Variants in PPDPFL observed in about 807,000 individuals in gnomAD.
PPDPFL encodes pancreatic progenitor cell differentiation and proliferation factor like.
In PPDPFL, 12 loss-of-function variants were observed where a neutral mutation model predicts 12.6. That is an observed-to-expected ratio of 0.95 (90% confidence interval 0.61 to 1.54). The LOEUF is 1.54. PPDPFL is among the 40% of genes most tolerant of loss of function. The pLI is 0.00. For missense variants in PPDPFL, 114 were observed against 96.0 expected (o/e 1.19, Z -0.78); for synonymous variants, 24 against 32.7 (o/e 0.73, Z 0.91).
Position 49,072,499 on chromosome 8 carries a change from T to C in PPDPFL, c.-45+17T>C, listed in dbSNP as rs369613729. On this transcript the variant is annotated intron_variant, in intron 1 of 4. Transcript: ENST00000522267. ...AACAAATCGGTGAGTGACTACCTCA[T>C]GGCTGAGTTAACACTTCTCTGACCT... 5.0e-5 allele frequency: 9 copies of C among 178,612 alleles called. No individual in the cohort carries two copies. In the South Asian group the frequency reaches 5.1e-4, roughly 10 times the overall value. The allele number at this position is 178,612 out of a possible 1,614,324, so 11.1% of individuals were successfully genotyped here. A position where few individuals can be genotyped will look rare whatever the true frequency, so the allele number is the denominator to read the frequency against.
At chr8:49,057,041 C>A (rs1240895582) in intron 1 of PPDPFL, among the ~76,000 whole-genome samples, 1 of 152,128 alleles carries the variant, frequency 6.6e-6, no homozygotes, top group Non-Finnish European at 1.5e-5. Flanking sequence ...ATTATTATTG[C>A]AAACTTGGTA....
chr8:49,055,855 CT>C (rs1381754997), intron 1 of PPDPFL, among the ~76,000 whole-genome samples: 2 of 152,080 alleles, frequency 1.3e-5, no homozygotes, highest in Non-Finnish European at 2.9e-5. Context: ...TTTAAACATA[CT>C]TTCCTCCCAA....
intron 1 of PPDPFL, among the ~76,000 whole-genome samples, chr8:49,056,629 C>A (rs1434089946): frequency 1.3e-5 from 2 of 152,122 alleles, no homozygotes; most frequent in African/African-American, 2.4e-5. Flanking sequence ...GTGCAGTGAG[C>A]CTGCCAGATA....
At chr8:49,066,415 C>T (rs1190545741) in intron 1 of PPDPFL, among the ~76,000 whole-genome samples, 1 of 152,170 alleles carries the variant, frequency 6.6e-6, no homozygotes, top group East Asian at 1.9e-4. Context: ...TGGGCAAGTG[C>T]TTCTCTGCTT....
intron 1 of PPDPFL, among the ~76,000 whole-genome samples, chr8:49,066,694 C>A (rs1808306048): frequency 1.3e-5 from 2 of 152,158 alleles, no homozygotes; most frequent in African/African-American, 4.8e-5. Context: ...TAGATAAGAA[C>A]AACTTTCTCA....
At chr8:49,063,449 G>T (rs542102743) in intron 1 of PPDPFL, among the ~76,000 whole-genome samples, 1 of 152,320 alleles carries the variant, frequency 6.6e-6, no homozygotes, top group East Asian at 1.9e-4. Flanking sequence ...GCTGGGCGTG[G>T]TGTCTCATGC....
chr8:49,058,195 C>A (rs1303882053), intron 1 of PPDPFL, among the ~76,000 whole-genome samples: 5 of 152,178 alleles, frequency 3.3e-5, no homozygotes, highest in Admixed American at 2.6e-4. Flanking sequence ...ACCTCTGATT[C>A]CCAACTTTCA....
At chr8:49,066,750 C>T (rs1227839369) in intron 1 of PPDPFL, among the ~76,000 whole-genome samples, 4 of 152,112 alleles carry the variant, frequency 2.6e-5, no homozygotes, top group Non-Finnish European at 5.9e-5. Context: ...ATTTGGGGTG[C>T]CCACTGGATT....
intron 1 of PPDPFL, among the ~76,000 whole-genome samples, chr8:49,059,472 T>C (rs1808162476): frequency 6.6e-6 from 1 of 152,162 alleles, no homozygotes. Flanking sequence ...ATCATACCTT[T>C]CAGTTCAGTG....
At chr8:49,059,903 A>G (rs542810029) in intron 1 of PPDPFL, among the ~76,000 whole-genome samples, 18 of 152,272 alleles carry the variant, frequency 1.2e-4, no homozygotes, top group African/African-American at 4.3e-4. Context: ...CTTTCATGTG[A>G]TGAAACTTAT....
At chr8:49,054,840 A>G (rs1012353825) in intron 1 of PPDPFL, among the ~76,000 whole-genome samples, 8 of 152,306 alleles carry the variant, frequency 5.3e-5, no homozygotes, top group South Asian at 2.1e-4. Flanking sequence ...GGCATACTTC[A>G]CATATGTGTC....
In PPDPFL at chr8:49,074,220, A is replaced by G. The variant is rs762875380; in HGVS notation, c.134-14A>G. Reference sequence around the variant, plus strand: ...ATTTGTTTGATAAGGAGTAACATGAATTTTATTTAATAGGGTTGCCTGAAG... The same window carrying G: ...ATTTGTTTGATAAGGAGTAACATGAGTTTTATTTAATAGGGTTGCCTGAAG... On this transcript the variant is annotated splice_polypyrimidine_tract_variant and intron_variant, in intron 3 of 4. Coordinates refer to ENST00000522267, the MANE Select transcript of PPDPFL (RefSeq NM_001256597.2). The G allele has an allele frequency of 6.2e-7, 1 of 1,612,686 alleles. No individual in the cohort carries two copies. The highest frequency in any genetic ancestry group is 8.5e-7 in the Non-Finnish European group (1 of 1,178,852).
At chr8:49,074,813 T>C (rs1585677482) in intron 4 of PPDPFL, 3 of 1,424,098 alleles carry the variant, frequency 2.1e-6, no homozygotes, top group East Asian at 5.1e-5. Context: ...ACACACTGAC[T>C]AGCACAGTTG....
At chr8:49,056,740 T>G (rs570456710) in intron 1 of PPDPFL, among the ~76,000 whole-genome samples, 1 of 152,302 alleles carries the variant, frequency 6.6e-6, no homozygotes, top group African/African-American at 2.4e-5. Flanking sequence ...ACACCAGATA[T>G]ATATTCAAAA....
At chr8:49,057,971 A>G (rs1808138188) in intron 1 of PPDPFL, among the ~76,000 whole-genome samples, 1 of 152,158 alleles carries the variant, frequency 6.6e-6, no homozygotes, top group African/African-American at 2.4e-5. Context: ...TTTTAATAAC[A>G]CTATTATTAT....
At chr8:49,075,128 C>T (rs776754439) in intron 4 of PPDPFL, 24 bp from the exon 5 acceptor site, 1 of 1,611,992 alleles carries the variant, frequency 6.2e-7, no homozygotes, top group African/African-American at 1.3e-5. Context: ...CCCCTCCTCT[C>T]TGACTACTAT....
At chr8:49,072,572 G>T (rs183079838) in intron 1 of PPDPFL, 90 bp downstream of exon 1, 19 of 347,848 alleles carry the variant, frequency 5.5e-5, no homozygotes. Flanking sequence ...TGTATAGTTG[G>T]ATGTATAGTT....
upstream of PPDPFL, among the ~76,000 whole-genome samples, chr8:49,070,627 A>T (rs1178672015): frequency 2.0e-5 from 3 of 152,220 alleles, no homozygotes; most frequent in African/African-American, 4.8e-5. Context: ...GGTGTAGCAA[A>T]ACTAATTATT....
chr8:49,074,160 T>C, intron 3 of PPDPFL, 24 bp downstream of exon 3: 1 of 1,603,398 alleles, frequency 6.2e-7, no homozygotes, highest in South Asian at 1.1e-5. Context: ...TCTTTCAGTG[T>C]CATCCTTATT....
Sources: gnomAD v4.1 joint callset for allele counts (sites outside exome capture counted in the v4.1 genomes callset) on GRCh38, gnomAD v4.1.1 for gene constraint, MANE v1.5 for transcripts, NCBI Gene and HGNC (gene_info 2026-07-23, HGNC 2026-07-21) for gene names.